SMAD2: variants seen among roughly 807,000 people sequenced by gnomAD.
The protein encoded by SMAD2 is MAD homolog 2.
In SMAD2, 8 loss-of-function variants were observed where a neutral mutation model predicts 64.4. The ratio of observed to expected loss-of-function variants is 0.12; its 90% confidence interval spans 0.07 to 0.22. The LOEUF (loss-of-function observed/expected upper bound fraction) is 0.22. Ranked by LOEUF, SMAD2 falls within the 10% of genes least tolerant of loss-of-function variation. SMAD2 has a pLI of 1.00. For synonymous variants in SMAD2, 203 were observed against 195.8 expected (o/e 1.04, Z -0.31); for missense variants, 289 against 561.2 (o/e 0.51, Z 4.90).
chr18:47,835,492 T>C lies in SMAD2; in HGVS notation c.*6335A>G, dbSNP rs1292314532. The C allele has an allele frequency of 1.0e-5, 2 of 198,164 alleles. No homozygotes were observed. The highest frequency in any genetic ancestry group is 1.9e-4 in the South Asian group (1 of 5,200). 12.3% of individuals were successfully genotyped at this position (198,164 alleles called of 1,614,324 possible). On this transcript the variant is annotated 3_prime_UTR_variant, in exon 11 of 11. Coordinates refer to ENST00000262160, the MANE Select transcript of SMAD2 (RefSeq NM_005901.6). ...GGGAATAGTAAGAGTGGCAAACAAA[T>C]GTTTTCTTAGGGACTTACTGAGAAA...
At chr18:47,850,149 C>T (rs545559375) in intron 7 of SMAD2, among the ~76,000 whole-genome samples, 6 of 121,226 alleles carry the variant, frequency 4.9e-5, no homozygotes, top group Middle Eastern at 3.8e-3. Context: ...CATACACATA[C>T]ACATTTGTAC....
At chr18:47,860,866 A>G (rs1278365558) in intron 6 of SMAD2, among the ~76,000 whole-genome samples, 2 of 152,198 alleles carry the variant, frequency 1.3e-5, no homozygotes, top group Non-Finnish European at 2.9e-5. Flanking sequence ...AAGAACAAAA[A>G]GGAAAAAGAA....
chr18:47,899,888 G>T (rs1352696525), intron 1 of SMAD2, among the ~76,000 whole-genome samples: 2 of 152,078 alleles, frequency 1.3e-5, no homozygotes, highest in Non-Finnish European at 2.9e-5. Context: ...ACAGTAAAAT[G>T]ACTTAATATC....
chr18:47,885,196 C>T (rs201750653), intron 2 of SMAD2, among the ~76,000 whole-genome samples: 1 of 151,438 alleles, frequency 6.6e-6, no homozygotes, highest in Non-Finnish European at 1.5e-5. Context: ...TACCCTCCCC[C>T]CCCAAGACAG....
intron 6 of SMAD2, among the ~76,000 whole-genome samples, chr18:47,856,094 A>G (rs1489449915): frequency 2.6e-5 from 4 of 152,016 alleles, no homozygotes; most frequent in Non-Finnish European, 5.9e-5. Flanking sequence ...TATGCCAAGG[A>G]AATTAGGTGG....
chr18:47,886,929 A>C (rs879635405), intron 2 of SMAD2: 132 of 157,274 alleles, frequency 8.4e-4, no homozygotes, highest in Middle Eastern at 3.1e-3. Context: ...TATGCAAAAA[A>C]AAAAAAAAAG....
At chr18:47,917,729 A>AT (rs556215411) in intron 1 of SMAD2, among the ~76,000 whole-genome samples, 26 of 150,688 alleles carry the variant, frequency 1.7e-4, no homozygotes, top group Admixed American at 1.2e-3. Flanking sequence ...ACCATAAAGA[A>AT]TTTTTTTTTT....
At chr18:47,868,515 C>A (rs999840761) in intron 4 of SMAD2, 58 bp from the exon 5 acceptor site, 4 of 1,479,862 alleles carry the variant, frequency 2.7e-6, no homozygotes, top group Admixed American at 3.4e-5. Flanking sequence ...GTGGGGGAAC[C>A]TTTTTTAAAG....
chr18:47,880,464 G>T (rs1390918527), intron 2 of SMAD2, among the ~76,000 whole-genome samples: 1 of 152,136 alleles, frequency 6.6e-6, no homozygotes, highest in Non-Finnish European at 1.5e-5. Flanking sequence ...TCTATGTGGG[G>T]CTATCTTATC....
intron 3 of SMAD2, among the ~76,000 whole-genome samples, chr18:47,869,912 G>C (rs1055694476): frequency 6.6e-6 from 1 of 152,094 alleles, no homozygotes; most frequent in South Asian, 2.1e-4. Context: ...TTACCCAGTT[G>C]TGACTGTTTT....
rs1041280003 is a variant in SMAD2 at position 47,819,465 on chromosome 18, G to C, written c.*22362C>G. ...ACAGGAAAATAACTTGAAATGACTA[G>C]CTATGTCTAATATCTCAGTTTTTAT... On this transcript the variant is annotated 3_prime_UTR_variant, in exon 11 of 11. Coordinates refer to ENST00000262160, the MANE Select transcript of SMAD2 (RefSeq NM_005901.6). The C allele has an allele frequency of 2.6e-5, 4 of 152,174 alleles. No individual in the cohort carries two copies. The highest frequency in any genetic ancestry group is 4.4e-5 in the Non-Finnish European group (3 of 68,040). 9.4% of individuals were successfully genotyped at this position (152,174 alleles called of 1,614,324 possible).
chr18:47,876,898 CG>C (rs934248616), intron 2 of SMAD2, among the ~76,000 whole-genome samples: 2 of 151,664 alleles, frequency 1.3e-5, no homozygotes, highest in Admixed American at 6.6e-5. Flanking sequence ...ACTTTTTTTG[CG>C]TTAAGGATAT....
At chr18:47,902,322 T>C (rs770083993) in intron 1 of SMAD2, among the ~76,000 whole-genome samples, 1 of 152,228 alleles carries the variant, frequency 6.6e-6, no homozygotes, top group Non-Finnish European at 1.5e-5. Flanking sequence ...TTTTGTAAAT[T>C]ACCTGGCTTT....
At chr18:47,910,443 C>T (rs2034083536) in intron 1 of SMAD2, among the ~76,000 whole-genome samples, 1 of 152,172 alleles carries the variant, frequency 6.6e-6, no homozygotes, top group Non-Finnish European at 1.5e-5. Context: ...ACAGATCCTT[C>T]CATTACATGG....
intron 1 of SMAD2, among the ~76,000 whole-genome samples, chr18:47,901,129 T>C (rs8099127): frequency 1.3e-5 from 2 of 151,924 alleles, no homozygotes; most frequent in Non-Finnish European, 2.9e-5. Context: ...TCCATTGTGA[T>C]GGCATATTTG....
In SMAD2 at chr18:47,818,442, A is replaced by G. The variant is rs900170563; in HGVS notation, c.*23385T>C. 2 of 152,346 alleles carry G rather than the reference A, an allele frequency of 1.3e-5. 1 individual carries two copies. The highest frequency in any genetic ancestry group is 4.1e-4 in the South Asian group (2 of 4,824). The allele number at this position is 152,346 out of a possible 1,614,324, so 9.4% of individuals were successfully genotyped here. ...ACGTATAAAAATTAGGCTCTCAAAC[A>G]GGTCAAAATCTTGAGCTCAGGGCAA... On this transcript the variant is annotated 3_prime_UTR_variant, in exon 11 of 11. Transcript: ENST00000262160.
intron 2 of SMAD2, among the ~76,000 whole-genome samples, chr18:47,877,125 T>C (rs1490672652): frequency 6.6e-6 from 1 of 152,134 alleles, no homozygotes; most frequent in East Asian, 1.9e-4. Flanking sequence ...TTTTACTAAT[T>C]TATTATTTTT....
chr18:47,909,933 C>G (rs1191272181), intron 1 of SMAD2, among the ~76,000 whole-genome samples: 1 of 152,060 alleles, frequency 6.6e-6, no homozygotes, highest in Non-Finnish European at 1.5e-5. Context: ...AGGCTCATTA[C>G]ACACAGTACT....
At chr18:47,893,165 G>A (rs2033282179) in intron 2 of SMAD2, among the ~76,000 whole-genome samples, 1 of 152,142 alleles carries the variant, frequency 6.6e-6, no homozygotes, top group African/African-American at 2.4e-5. Flanking sequence ...TTTTATTGAG[G>A]TTAAGCTCTA....
Sources: gnomAD v4.1 joint callset for allele counts (sites outside exome capture counted in the v4.1 genomes callset) on GRCh38, gnomAD v4.1.1 for gene constraint, MANE v1.5 for transcripts, NCBI Gene and HGNC (gene_info 2026-07-23, HGNC 2026-07-21) for gene names.